MAP2K5: variants seen among roughly 807,000 people sequenced by gnomAD.
MAP2K5 encodes mitogen-activated protein kinase kinase 5.
Under a neutral mutation model 83.1 loss-of-function variants are expected in MAP2K5, and 49 were observed. That is an observed-to-expected ratio of 0.59 (90% confidence interval 0.47 to 0.75). The LOEUF (loss-of-function observed/expected upper bound fraction) is 0.75. Ranked by LOEUF, MAP2K5 falls within the 30% of genes least tolerant of loss-of-function variation. The pLI is 0.00. For synonymous variants in MAP2K5, 202 were observed against 191.8 expected (o/e 1.05, Z -0.44); for missense variants, 457 against 557.5 (o/e 0.82, Z 1.82).
At position 67,690,191 on chromosome 15, in the gene MAP2K5, G is replaced by A. The variant is rs1340278294; in HGVS notation, c.848-2288G>A. Among the ~76,000 whole-genome samples the A allele has an allele frequency of 1.3e-5, 2 of 152,078 alleles. No homozygotes were observed. The highest frequency in any genetic ancestry group is 4.8e-5 in the African/African-American group (2 of 41,410). ...CAAAAGAAAAATATTTAAAACTGAG[G>A]GCCCATGATAAGAACTAGATTTGAA... is the stretch of plus-strand genomic sequence containing the variant. On this transcript the variant is annotated intron_variant, in intron 13 of 21. Coordinates refer to ENST00000178640, the MANE Select transcript of MAP2K5 (RefSeq NM_145160.3). This position sits in a 1 kb window ranked among gnomAD's most constrained non-coding sequence, Gnocchi z 4.3.
rs890600482 is a variant in MAP2K5 at position 67,636,457 on chromosome 15, C to T, written c.585+5530C>T. 6.6e-6 allele frequency among the ~76,000 whole-genome samples: 1 copy of T among 151,312 alleles called. No individual in the cohort carries two copies. The highest frequency in any genetic ancestry group is 1.5e-5 in the Non-Finnish European group (1 of 67,842). ...ATAGTTATAATAACTGAATTAGTGGCCTTATCTATTTATTCCATCATATGT... is the reference window on the plus strand; with the variant it reads ...ATAGTTATAATAACTGAATTAGTGGTCTTATCTATTTATTCCATCATATGT... On this transcript the variant is annotated intron_variant, in intron 9 of 21. Coordinates refer to ENST00000178640, the MANE Select transcript of MAP2K5 (RefSeq NM_145160.3). The surrounding 1 kb of genome is among the most constrained non-coding windows in gnomAD (Gnocchi z 4.7).
In MAP2K5 at chr15:67,690,232, A is replaced by G. The variant is rs910114835; in HGVS notation, c.848-2247A>G. Among the ~76,000 whole-genome samples, 1 of 152,208 alleles carries G rather than the reference A, an allele frequency of 6.6e-6. No homozygotes were observed. The highest frequency in any genetic ancestry group is 1.5e-5 in the Non-Finnish European group (1 of 68,038). ...TAGATTTGAAAAATAAGACCAAACT[A>G]TGTAGAATCTAACATTTGTTTCAGT... On this transcript the variant is annotated intron_variant, in intron 13 of 21. Transcript: ENST00000178640. The surrounding 1 kb of genome is among the most constrained non-coding windows in gnomAD (Gnocchi z 4.3).
At chr15:67,614,000 A>G (rs2085996873) in intron 8 of MAP2K5, among the ~76,000 whole-genome samples, 1 of 152,128 alleles carries the variant, frequency 6.6e-6, no homozygotes, top group African/African-American at 2.4e-5. Context: ...GATTTTCCCT[A>G]TTGCTTTTAA....
At chr15:67,628,545 A>T in intron 8 of MAP2K5, 1 of 957,980 alleles carries the variant, frequency 1.0e-6, no homozygotes, top group Non-Finnish European at 1.7e-6. Context: ...ATTATTTTGA[A>T]TAATATGGAA....
Position 67,658,589 on chromosome 15 carries a change from A to G in MAP2K5, c.773A>G (p.His258Arg). The G allele has an allele frequency of 1.9e-6, 3 of 1,612,308 alleles. No homozygotes were observed. Among genetic ancestry groups the G allele is most frequent in the Non-Finnish European group, 2.5e-6 (3 of 1,178,754 alleles). The change falls in exon 12 of 22, where the codon CAT becomes CGT. Residue 258 changes from histidine (H) to arginine (R), a missense_variant. His to Arg is a conservative substitution (Grantham distance 29, BLOSUM62 0). Around this residue, in one of 3 missense-constraint regions of MAP2K5, gnomAD observed 168 missense variants for 263.0 expected, o/e 0.64. Transcript: ENST00000178640. The stretch of plus-strand genomic sequence containing the variant: ...GATGTATATAGGAAAATGCCAGAAC[A>G]TGTCCTTGGAAGAATTGCAGTAGCA... ...SLDVYRKMPE[H>R]VLGRIAVAVV...
chr15:67,630,228 T>C (rs1274877511), intron 8 of MAP2K5, among the ~76,000 whole-genome samples: 7 of 152,226 alleles, frequency 4.6e-5, no homozygotes, highest in Admixed American at 3.9e-4. Context: ...AGAGAGCCCC[T>C]GTCTGAATCA....
In MAP2K5 at chr15:67,748,816, T is replaced by G. The variant is rs1239197435; in HGVS notation, c.1134+215T>G. Among the ~76,000 whole-genome samples, 2 of 152,218 alleles carry G rather than the reference T, an allele frequency of 1.3e-5. No individual in the cohort carries two copies. The highest frequency in any genetic ancestry group is 1.3e-4 in the Admixed American group (2 of 15,290). On this transcript the variant is annotated intron_variant, in intron 19 of 21. Transcript: ENST00000178640. This position sits in a 1 kb window ranked among gnomAD's most constrained non-coding sequence, Gnocchi z 4.0. ...TGCAAAAACAGACTATCCCGCAGGC[T>G]GGTCCTCAGGGGCATCAGATGCCCT...
At position 67,775,859 on chromosome 15, in the gene MAP2K5, C is replaced by A. The variant is rs2141310002; in HGVS notation, c.1242+3107C>A. Among the ~76,000 whole-genome samples the A allele has an allele frequency of 6.6e-6, 1 of 152,302 alleles. No individual in the cohort carries two copies. The highest frequency in any genetic ancestry group is 1.5e-5 in the Non-Finnish European group (1 of 68,030). ...TCAGAGCAATGTGAAGCCTCTAGTG[C>A]CTGCTGGAACAGAAACCTCTTCAAC... is the stretch of plus-strand genomic sequence containing the variant. On this transcript the variant is annotated intron_variant, in intron 21 of 21. Coordinates refer to ENST00000178640, the MANE Select transcript of MAP2K5 (RefSeq NM_145160.3). This position sits in a 1 kb window ranked among gnomAD's most constrained non-coding sequence, Gnocchi z 5.3.
At chr15:67,605,863 A>G (rs2085767851) in intron 8 of MAP2K5, among the ~76,000 whole-genome samples, 1 of 152,212 alleles carries the variant, frequency 6.6e-6, no homozygotes, top group African/African-American at 2.4e-5. Context: ...CCTCATATCT[A>G]GCTACTTTGC....
rs71142390 is a variant in MAP2K5, at chr15:67,634,367, C to CAAAAAAAAAAAAAAAA, written c.585+3467_585+3482dup. Among the ~76,000 whole-genome samples, 47 of 48,572 alleles carry CAAAAAAAAAAAAAAAA rather than the reference C, an allele frequency of 9.7e-4. 12 individuals carry two copies. The highest frequency in any genetic ancestry group is 1.6e-3 in the Non-Finnish European group (40 of 24,798). 31.9% of individuals were successfully genotyped at this position (48,572 alleles called of 152,430 possible). On this transcript the variant is annotated intron_variant, in intron 9 of 21. Transcript: ENST00000178640. ...TGGGTGACAGAGTAAGACCTCATCT[C>CAAAAAAAAAAAAAAAA]AAAAAAAAAAAAAAAAAAAAAAAAA...
At chr15:67,687,432 T>C (rs74328121) in intron 13 of MAP2K5, among the ~76,000 whole-genome samples, 221 of 152,334 alleles carry the variant, frequency 1.5e-3, no homozygotes, top group African/African-American at 5.2e-3. Context: ...TAAACAACAT[T>C]GTTATCCTAA....
intron 3 of MAP2K5, among the ~76,000 whole-genome samples, chr15:67,568,605 C>T (rs998941335): frequency 6.6e-6 from 1 of 152,134 alleles, no homozygotes; most frequent in African/African-American, 2.4e-5. Flanking sequence ...TTGTTTTGCT[C>T]TCTATTATAG....
intron 8 of MAP2K5, among the ~76,000 whole-genome samples, chr15:67,619,714 G>A (rs1268220757): frequency 1.3e-5 from 2 of 152,080 alleles, no homozygotes; most frequent in Non-Finnish European, 2.9e-5. Context: ...ATCACTTGAG[G>A]CCAGGAGTTC....
chr15:67,733,178 G>C (rs1036631240), intron 17 of MAP2K5, among the ~76,000 whole-genome samples: 5 of 152,084 alleles, frequency 3.3e-5, no homozygotes, highest in Admixed American at 3.3e-4. Flanking sequence ...GTTTTTTATG[G>C]TTCACTCTGA....
intron 9 of MAP2K5, among the ~76,000 whole-genome samples, chr15:67,633,757 T>G: frequency 6.6e-6 from 1 of 152,228 alleles, no homozygotes; most frequent in East Asian, 1.9e-4. Context: ...AGAGCAGATA[T>G]GATTATTGTG....
chr15:67,669,457 CAGTT>C (rs1474952648), intron 13 of MAP2K5, among the ~76,000 whole-genome samples: 7 of 151,882 alleles, frequency 4.6e-5, no homozygotes, highest in Admixed American at 6.6e-5. Flanking sequence ...ATATGAGAAA[CAGTT>C]AGAGTAGACA....
Position 67,636,944 on chromosome 15 carries a change from A to G in MAP2K5, c.585+6017A>G, listed in dbSNP as rs193014022. Among the ~76,000 whole-genome samples, 104 of 152,344 alleles carry G rather than the reference A, an allele frequency of 6.8e-4. No homozygotes were observed. The highest frequency in any genetic ancestry group is 2.5e-3 in the African/African-American group (103 of 41,578). ...CTAATCAGCTGCCAGTGTGGCTAGG[A>G]TAAAAGCAGGCAGAAGTTGGAAGGA... On this transcript the variant is annotated intron_variant, in intron 9 of 21. Transcript: ENST00000178640. The surrounding 1 kb of genome is among the most constrained non-coding windows in gnomAD (Gnocchi z 4.7).
Position 67,586,067 on chromosome 15 carries a change from G to A in MAP2K5, c.363+137G>A. On this transcript the variant is annotated intron_variant, in intron 5 of 21. Transcript: ENST00000178640. The stretch of plus-strand genomic sequence containing the variant: ...TTTTATTTTTTTTAAATGGGAGGTG[G>A]AGGGGGATTCATCTGTAGTATTTGC... 4.0e-6 allele frequency: 3 copies of A among 756,692 alleles called. No homozygotes were observed. The Admixed American group carries it at 6.1e-5, about 15-fold the overall frequency. The allele number at this position is 756,692 out of a possible 1,614,324, so 46.9% of individuals were successfully genotyped here.
At chr15:67,550,835 G>A (rs1484038776) in intron 2 of MAP2K5, among the ~76,000 whole-genome samples, 1 of 150,682 alleles carries the variant, frequency 6.6e-6, no homozygotes, top group Admixed American at 6.6e-5. Context: ...GCAGTGGTGC[G>A]ATCTTAGCTC....
Sources: allele counts gnomAD v4.1 joint callset (sites outside exome capture counted in the v4.1 genomes callset), GRCh38; gene constraint gnomAD v4.1.1; regional missense constraint gnomAD v4.1.1; non-coding constraint Gnocchi (gnomAD v3.1); transcripts MANE v1.5; gene names NCBI Gene and HGNC (gene_info 2026-07-23, HGNC 2026-07-21).